The following GRM7 variants were observed in gnomAD, a reference collection of about 807,000 sequenced individuals.
The protein encoded by GRM7 is metabotropic glutamate receptor 7.
A neutral mutation model predicts 84.5 loss-of-function variants in GRM7; 35 were observed. That is an observed-to-expected ratio of 0.41 (90% CI 0.32 to 0.55). The LOEUF (loss-of-function observed/expected upper bound fraction) is 0.55. GRM7 is among the 20% of genes least tolerant of loss of function. The probability of loss-of-function intolerance (pLI) is 0.19; values close to 1 mark genes in which losing one functional copy is unlikely to be tolerated. For missense variants in GRM7, 1,003 were observed against 1,194.6 expected, an observed-to-expected ratio of 0.84 and a Z score of 2.36; for synonymous variants, 487 against 455.1, an observed-to-expected ratio of 1.07 and a Z score of -0.89.
chr3:7,279,178 G>T (rs1699173015), intron 2 of GRM7, among the ~76,000 whole-genome samples: 2 of 152,050 alleles, frequency 1.3e-5, no homozygotes, highest in South Asian at 4.1e-4. Context: ...GTTAAGTAGA[G>T]GTATCAAAAT....
chr3:6,941,809 T>C (rs571612241), intron 1 of GRM7, among the ~76,000 whole-genome samples: 8 of 152,216 alleles, frequency 5.3e-5, no homozygotes, highest in Non-Finnish European at 1.2e-4. Flanking sequence ...GTGGTATTGA[T>C]CTAGGTGCTG....
intron 4 of GRM7, among the ~76,000 whole-genome samples, chr3:7,404,124 A>G (rs975225558): frequency 6.6e-6 from 1 of 152,144 alleles, no homozygotes; most frequent in Non-Finnish European, 1.5e-5. Context: ...CAGTGTGTAG[A>G]CCAGGGTGTA....
intron 9 of GRM7, among the ~76,000 whole-genome samples, chr3:7,709,627 C>T (rs1426645775): frequency 1.3e-5 from 2 of 152,094 alleles, no homozygotes; most frequent in African/African-American, 4.8e-5. Flanking sequence ...TTTTGGGTTT[C>T]CCAGTAGGAC....
At chr3:7,223,862 T>A (rs1559511247) in intron 2 of GRM7, among the ~76,000 whole-genome samples, 1 of 152,186 alleles carries the variant, frequency 6.6e-6, no homozygotes, top group African/African-American at 2.4e-5. Context: ...CTTGATCTCT[T>A]TATGGTTTCT....
chr3:7,275,365 A>G (rs1008492015), intron 2 of GRM7, among the ~76,000 whole-genome samples: 2 of 152,140 alleles, frequency 1.3e-5, no homozygotes, highest in Non-Finnish European at 2.9e-5. Flanking sequence ...ATAGCTAGGC[A>G]TGATGTACCT....
At chr3:7,544,133 G>T (rs540928749) in intron 7 of GRM7, among the ~76,000 whole-genome samples, 1 of 152,184 alleles carries the variant, frequency 6.6e-6, no homozygotes, top group African/African-American at 2.4e-5. Flanking sequence ...ACGCTTAGGC[G>T]TAAATCATGT....
intron 1 of GRM7, among the ~76,000 whole-genome samples, chr3:7,144,172 A>T (rs929773486): frequency 6.6e-6 from 1 of 151,984 alleles, no homozygotes; most frequent in Non-Finnish European, 1.5e-5. Flanking sequence ...ATGCTTATTT[A>T]AAAAATATTT....
intron 2 of GRM7, among the ~76,000 whole-genome samples, chr3:7,172,615 T>C (rs1301009345): frequency 7.3e-6 from 1 of 136,164 alleles, no homozygotes; most frequent in South Asian, 2.3e-4. Context: ...TCATTGCACA[T>C]GGTGTCAATG....
At chr3:7,038,290 A>G (rs781495710) in intron 1 of GRM7, among the ~76,000 whole-genome samples, 1 of 152,216 alleles carries the variant, frequency 6.6e-6, no homozygotes, top group Admixed American at 6.5e-5. Context: ...GCTCCAAGGT[A>G]TTCATTAATA....
chr3:7,672,082 G>A (rs374289758), intron 8 of GRM7, among the ~76,000 whole-genome samples: 9 of 151,684 alleles, frequency 5.9e-5, no homozygotes, highest in African/African-American at 1.5e-4. Flanking sequence ...CCCCTGCCCC[G>A]GGGGGAGGGA....
intron 8 of GRM7, among the ~76,000 whole-genome samples, chr3:7,585,505 A>G (rs528135738): frequency 2.0e-5 from 3 of 152,358 alleles, no homozygotes; most frequent in African/African-American, 7.2e-5. Flanking sequence ...GAACTGAGCT[A>G]AAACTAATAA....
intron 7 of GRM7, among the ~76,000 whole-genome samples, chr3:7,503,139 CT>C (rs1388287754): frequency 6.6e-6 from 1 of 152,150 alleles, no homozygotes; most frequent in African/African-American, 2.4e-5. Context: ...GATGTGATTG[CT>C]TCCCCAGCAG....
At chr3:7,681,753 T>C (rs1700376659) in intron 9 of GRM7, 1 of 152,192 alleles carries the variant, frequency 6.6e-6, no homozygotes, top group Admixed American at 6.5e-5. Context: ...TGGGTTCAAA[T>C]GTAAACCACT....
At chr3:7,564,319 T>A (rs1362643574) in intron 7 of GRM7, among the ~76,000 whole-genome samples, 1 of 152,138 alleles carries the variant, frequency 6.6e-6, no homozygotes, top group Non-Finnish European at 1.5e-5. Flanking sequence ...TATTACTGTC[T>A]CCATTTCACA....
rs1052430042 is a variant in GRM7 at position 7,151,621 on chromosome 3, A to G, written c.736+4953A>G. ...TCCTGTGTTTCTATTATCTAAGATA[A>G]TTCCTAGTACATAGAAAGCAGTCAA... On this transcript the variant is annotated intron_variant, in intron 2 of 9. Coordinates refer to ENST00000357716, the MANE Select transcript of GRM7 (RefSeq NM_000844.4). This position sits in a 1 kb window ranked among gnomAD's most constrained non-coding sequence, Gnocchi z 4.5. Among the ~76,000 whole-genome samples, 2 of 152,188 alleles carry G rather than the reference A, an allele frequency of 1.3e-5. No homozygotes were observed. The highest frequency in any genetic ancestry group is 2.9e-5 in the Non-Finnish European group (2 of 68,050).
chr3:7,310,805 A>G (rs932766469), intron 4 of GRM7, among the ~76,000 whole-genome samples: 4 of 152,036 alleles, frequency 2.6e-5, no homozygotes, highest in African/African-American at 4.8e-5. Context: ...TCCACTTTTT[A>G]TGGTTTCTGA....
At chr3:7,107,880 T>C (rs1347325177) in intron 1 of GRM7, among the ~76,000 whole-genome samples, 2 of 151,986 alleles carry the variant, frequency 1.3e-5, no homozygotes, top group African/African-American at 4.8e-5. Context: ...AGGTAGGACA[T>C]TGCCAAAGAG....
At chr3:7,611,732 C>T (rs1394400390) in intron 8 of GRM7, among the ~76,000 whole-genome samples, 1 of 152,036 alleles carries the variant, frequency 6.6e-6, no homozygotes, top group Non-Finnish European at 1.5e-5. Context: ...TCAGGCCCCA[C>T]CCAGACCTAC....
chr3:7,024,619 G>A (rs996641044), intron 1 of GRM7, among the ~76,000 whole-genome samples: 2 of 152,196 alleles, frequency 1.3e-5, no homozygotes, highest in African/African-American at 4.8e-5. Context: ...CGAGTGTGAC[G>A]ACACATGACT....
Sources: gnomAD v4.1 joint callset for allele counts (sites outside exome capture counted in the v4.1 genomes callset) on GRCh38, gnomAD v4.1.1 for gene constraint, Gnocchi (gnomAD v3.1) non-coding constraint, MANE v1.5 for transcripts, NCBI Gene and HGNC (gene_info 2026-07-23, HGNC 2026-07-21) for gene names.